HESX1: variants seen among roughly 807,000 people sequenced by gnomAD.
The protein encoded by HESX1 is HESX homeobox 1.
Under a neutral mutation model 22.5 loss-of-function variants are expected in HESX1, and 11 were observed. The observed-to-expected ratio is 0.49, with a 90% CI of 0.31 to 0.81. HESX1 has a LOEUF of 0.81. Ranked by LOEUF, HESX1 falls within the 30% of genes least tolerant of loss-of-function variation. The pLI is 0.05. For missense variants in HESX1, 201 were observed against 212.6 expected, an observed-to-expected ratio of 0.95 and a Z score of 0.34; for synonymous variants, 74 against 76.5, an observed-to-expected ratio of 0.97 and a Z score of 0.17.
rs1273071301 is a variant in HESX1 at position 57,198,275 on chromosome 3, A to G, written c.480T>C (p.Arg160=). The part of the protein sequence containing the change: ...DRIQIWFQNR[R]AKLKRSHRES... ...CTCTATGGGACCTTTTCAGTTTTGC[A>G]CGCCGATTTTGAAACCAAATCTAAA... Residue 160 remains arginine, a synonymous_variant, in exon 4 of 4, where the codon CGT becomes CGC. Coordinates refer to ENST00000295934, the MANE Select transcript of HESX1 (RefSeq NM_003865.3). The G allele has an allele frequency of 6.2e-7, 1 of 1,613,282 alleles. No homozygotes were observed. Among genetic ancestry groups the G allele is most frequent in the Admixed American group, 1.7e-5 (1 of 60,008 alleles).
At chr3:57,215,345 G>A (rs1303891397) in intron 1 of HESX1, among the ~76,000 whole-genome samples, 1 of 152,118 alleles carries the variant, frequency 6.6e-6, no homozygotes, top group Non-Finnish European at 1.5e-5. Flanking sequence ...TAAAAGTAGG[G>A]ATAGAAAAGA....
At chr3:57,212,601 C>T (rs2060561934) in intron 1 of HESX1, among the ~76,000 whole-genome samples, 1 of 145,502 alleles carries the variant, frequency 6.9e-6, no homozygotes, top group Admixed American at 6.9e-5. Context: ...ATCCAAGTAG[C>T]AAAGAGAAAA....
Position 57,198,782 on chromosome 3 carries a change from T to G in HESX1, c.328A>C (p.Arg110=). The G allele has an allele frequency of 6.2e-7, 1 of 1,614,156 alleles. No individual in the cohort carries two copies. Among genetic ancestry groups the G allele is most frequent in the Non-Finnish European group, 8.5e-7 (1 of 1,180,022 alleles). Residue 110 remains arginine (R), a synonymous_variant, in exon 2 of 4, where the codon AGA becomes CGA. Transcript: ENST00000295934. The stretch of plus-strand genomic sequence containing the variant: ...TTTTGAGTAAAAGCAGTTCTTGGTC[T>G]TCGGCCTCTATACCAACTCAACTCT... The part of the protein sequence containing the change: ...KRELSWYRGR[R]PRTAFTQNQI...
chr3:57,203,647 C>T (rs1189255074), upstream of HESX1, among the ~76,000 whole-genome samples: 2 of 152,106 alleles, frequency 1.3e-5, no homozygotes, highest in Non-Finnish European at 2.9e-5. Context: ...CTCTACCACC[C>T]AGGTTCAAGT....
chr3:57,205,245 C>T (rs556612116), intron 1 of HESX1, among the ~76,000 whole-genome samples: 1 of 152,104 alleles, frequency 6.6e-6, no homozygotes, highest in African/African-American at 2.4e-5. Flanking sequence ...CCCAACTCTA[C>T]AAAACAATTA....
At chr3:57,211,287 G>A (rs1346252775) in intron 1 of HESX1, among the ~76,000 whole-genome samples, 4 of 151,864 alleles carry the variant, frequency 2.6e-5, no homozygotes, top group African/African-American at 9.7e-5. Context: ...AAGCACTTTG[G>A]GAAGCCAAGG....
At chr3:57,209,379 C>T (rs907866536) in intron 1 of HESX1, among the ~76,000 whole-genome samples, 10 of 152,098 alleles carry the variant, frequency 6.6e-5, no homozygotes, top group African/African-American at 2.4e-4. Flanking sequence ...GGCGCAGTGG[C>T]TCATGCCTGT....
chr3:57,208,409 C>G (rs1031619374), intron 1 of HESX1, among the ~76,000 whole-genome samples: 1 of 151,994 alleles, frequency 6.6e-6, no homozygotes, highest in Non-Finnish European at 1.5e-5. Flanking sequence ...TGTAGTGGTG[C>G]GATCTCAACT....
chr3:57,202,605 G>A (rs545358060), upstream of HESX1, among the ~76,000 whole-genome samples: 1 of 152,298 alleles, frequency 6.6e-6, no homozygotes, highest in South Asian at 2.1e-4. Context: ...CTAAAGTGGT[G>A]GGATTACAGG....
upstream of HESX1, among the ~76,000 whole-genome samples, chr3:57,227,494 C>G (rs1376416355): frequency 2.0e-5 from 3 of 152,270 alleles, no homozygotes; most frequent in African/African-American, 4.8e-5. Flanking sequence ...CTCCTCGCGC[C>G]GGCAAGCTGA....
At chr3:57,218,154 A>G (rs1359858585) in intron 1 of HESX1, among the ~76,000 whole-genome samples, 2 of 152,130 alleles carry the variant, frequency 1.3e-5, no homozygotes, top group African/African-American at 4.8e-5. Context: ...TTTGTTACAT[A>G]GTTAAACCTG....
intron 1 of HESX1, among the ~76,000 whole-genome samples, chr3:57,218,175 G>A (rs2060593641): frequency 6.6e-6 from 1 of 152,124 alleles, no homozygotes; most frequent in Admixed American, 6.6e-5. Flanking sequence ...TGTCATGGGG[G>A]TTTCTTGTAC....
At chr3:57,222,901 G>A (rs1336075687) in intron 1 of HESX1, among the ~76,000 whole-genome samples, 7 of 151,850 alleles carry the variant, frequency 4.6e-5, no homozygotes, top group Admixed American at 2.6e-4. Flanking sequence ...ATTCTCTAAG[G>A]TAATGAGCCC....
At chr3:57,206,176 G>A (rs1371974199) in intron 1 of HESX1, among the ~76,000 whole-genome samples, 1 of 152,164 alleles carries the variant, frequency 6.6e-6, no homozygotes, top group African/African-American at 2.4e-5. Flanking sequence ...GGGTGACAGA[G>A]CGAAACAACT....
In HESX1 at chr3:57,209,293, A is replaced by G. The variant is rs1031076573; in HGVS notation, c.-110-9265T>C. On this transcript the variant is annotated intron_variant, in intron 1 of 2. Transcript: ENST00000495160. ...AATAACACAGACAGAGAACATTTCC[A>G]TAACTGCAAGAAGTTTTACTGGATA... Among the ~76,000 whole-genome samples the G allele has an allele frequency of 2.6e-5, 4 of 152,216 alleles. No homozygotes were observed. The East Asian group carries it at 7.7e-4, about 29-fold the overall frequency.
chr3:57,214,201 A>C (rs2060571712), intron 1 of HESX1, among the ~76,000 whole-genome samples: 1 of 152,234 alleles, frequency 6.6e-6, no homozygotes, highest in African/African-American at 2.4e-5. Context: ...CAGAAAACCA[A>C]GAAAGAGATA....
chr3:57,226,187 TTC>T (rs1464223607), intron 1 of HESX1: 2 of 152,150 alleles, frequency 1.3e-5, no homozygotes, highest in Admixed American at 6.5e-5. Context: ...CTTTTTTTTT[TTC>T]TTTCTTATAC....
At chr3:57,204,571 T>G (rs2060509229), upstream of HESX1, among the ~76,000 whole-genome samples, 1 of 152,264 alleles carries the variant, frequency 6.6e-6, no homozygotes, top group South Asian at 2.1e-4. Flanking sequence ...TGCTATAAGC[T>G]CAGTGCTAGA....
rs1001070105 is a variant in HESX1 at position 57,197,936 on chromosome 3, TATTAG to T, written c.*256_*260del. On this transcript the variant is annotated 3_prime_UTR_variant, in exon 4 of 4. Transcript: ENST00000295934. ...GTCTATTGATTTTAACAAACTAATT[TATTAG>T]ATTAATTTGGCTTACTTAAAAAATA... 7 of 295,612 alleles carry T rather than the reference TATTAG, an allele frequency of 2.4e-5. No homozygotes were observed. Among genetic ancestry groups the T allele is most frequent in the Admixed American group, 4.6e-5 (1 of 21,874 alleles). 18.3% of individuals were successfully genotyped at this position (295,612 alleles called of 1,614,324 possible).
Sources: allele counts gnomAD v4.1 joint callset (sites outside exome capture counted in the v4.1 genomes callset), GRCh38; gene constraint gnomAD v4.1.1; transcripts MANE v1.5; gene names NCBI Gene and HGNC (gene_info 2026-07-23, HGNC 2026-07-21).